Variants in STEAP1B observed in about 807,000 individuals in gnomAD.
STEAP1B encodes the protein STEAP family member 1B, also known as STEAP family protein MGC87042.
In STEAP1B, 13 loss-of-function variants were observed where a neutral mutation model predicts 27.9. That is an observed-to-expected ratio of 0.47 (90% CI 0.30 to 0.74). The LOEUF is 0.74. STEAP1B is among the 30% of genes least tolerant of loss of function. STEAP1B has a pLI of 0.06. For synonymous variants in STEAP1B, 86 were observed against 107.1 expected (o/e 0.80, Z 1.22); for missense variants, 250 against 298.7 (o/e 0.84, Z 1.20).
chr7:22,439,784 A>T (rs971347609), intron 4 of STEAP1B, among the ~76,000 whole-genome samples: 4 of 152,230 alleles, frequency 2.6e-5, no homozygotes, highest in Non-Finnish European at 1.5e-5. Context: ...ATATTTCTAC[A>T]TATAAGGTAA....
intron 4 of STEAP1B, among the ~76,000 whole-genome samples, chr7:22,470,180 A>G (rs1785856299): frequency 6.6e-6 from 1 of 152,194 alleles, no homozygotes; most frequent in African/African-American, 2.4e-5. Flanking sequence ...CAGAGAAAAT[A>G]CAAAATGAGC....
chr7:22,467,223 AT>A lies in STEAP1B; in HGVS notation c.762+25341del, dbSNP rs1785800849. On this transcript the variant is annotated intron_variant, in intron 4 of 4. Coordinates refer to ENST00000678116, the MANE Select transcript of STEAP1B (RefSeq NM_001382447.1). The stretch of plus-strand genomic sequence containing the variant: ...TTTAGTAGAAAGCCCCAAGGATGCT[AT>A]TTTGAGAGGAAACTCTCAGGAAATT... 3.3e-5 allele frequency among the ~76,000 whole-genome samples: 5 copies of A among 152,308 alleles called. No individual in the cohort carries two copies. The South Asian group carries it at 1.0e-3, about 32-fold the overall frequency.
chr7:22,489,360 G>C (rs148214273), intron 4 of STEAP1B, among the ~76,000 whole-genome samples: 1 of 152,274 alleles, frequency 6.6e-6, no homozygotes, highest in East Asian at 1.9e-4. Context: ...ATAGAAAAAG[G>C]TATAAGACCC....
intron 4 of STEAP1B, among the ~76,000 whole-genome samples, chr7:22,423,588 G>T (rs3114704): frequency 2.0e-5 from 3 of 152,032 alleles, no homozygotes; most frequent in African/African-American, 7.3e-5. Flanking sequence ...GAAAGTTGAC[G>T]TTTGCCTAGG....
chr7:22,461,251 C>A (rs770243876), intron 4 of STEAP1B, among the ~76,000 whole-genome samples: 15 of 152,144 alleles, frequency 9.9e-5, no homozygotes, highest in Admixed American at 3.9e-4. Flanking sequence ...TCCTTCCAGT[C>A]ACTGAGGGAA....
intron 4 of STEAP1B, among the ~76,000 whole-genome samples, chr7:22,464,354 C>T (rs948628677): frequency 5.9e-5 from 9 of 152,104 alleles, no homozygotes; most frequent in South Asian, 2.1e-4. Flanking sequence ...GACAGCTGTT[C>T]GGGTTTACTG....
chr7:22,477,756 TA>T (rs1179288363), intron 4 of STEAP1B, among the ~76,000 whole-genome samples: 5 of 152,180 alleles, frequency 3.3e-5, no homozygotes, highest in Non-Finnish European at 7.3e-5. Flanking sequence ...GCTTCTTGTG[TA>T]ATCCAATGTG....
In STEAP1B at chr7:22,493,600, A is replaced by G. The variant is rs756759380; in HGVS notation, c.321T>C (p.Tyr107=). Residue 107 remains tyrosine (Y), a synonymous_variant, in exon 3 of 5, where the codon TAT becomes TAC. Transcript: ENST00000678116. ...TGTTGATGACCAGGATTGGAATTTT[A>G]TAAAAATATTGTTGATGGGAAGTTG... ...PLATSHQQYF[Y]KIPILVINKV... 4 of 1,613,952 alleles carry G rather than the reference A, an allele frequency of 2.5e-6. No homozygotes were observed. The highest frequency in any genetic ancestry group is 1.7e-5 in the Admixed American group (1 of 60,016).
chr7:22,483,795 C>T (rs1786127526), intron 4 of STEAP1B, among the ~76,000 whole-genome samples: 1 of 152,140 alleles, frequency 6.6e-6, no homozygotes, highest in South Asian at 2.1e-4. Context: ...GGCAGAGAGA[C>T]ACGAAATGGC....
intron 4 of STEAP1B, among the ~76,000 whole-genome samples, chr7:22,454,727 G>A (rs989492575): frequency 3.5e-5 from 5 of 143,496 alleles, no homozygotes; most frequent in African/African-American, 1.0e-4. Flanking sequence ...GGAGCCTGGG[G>A]AGTAAGCACA....
intron 4 of STEAP1B, among the ~76,000 whole-genome samples, chr7:22,440,157 A>G (rs1383286907): frequency 2.0e-5 from 3 of 152,172 alleles, no homozygotes. Flanking sequence ...GAGCTTACTT[A>G]GGGACAATTT....
chr7:22,464,686 GA>G (rs1785740933), intron 4 of STEAP1B, among the ~76,000 whole-genome samples: 1 of 151,602 alleles, frequency 6.6e-6, no homozygotes, highest in Non-Finnish European at 1.5e-5. Flanking sequence ...CACGCACACA[GA>G]AAAAACCCAT....
intron 4 of STEAP1B, among the ~76,000 whole-genome samples, chr7:22,470,887 A>G (rs532236577): frequency 4.7e-4 from 71 of 152,190 alleles, no homozygotes; most frequent in Non-Finnish European, 9.0e-4. Context: ...ATCACCCAAA[A>G]AATATAAAAC....
intron 4 of STEAP1B, chr7:22,438,400 C>T: frequency 7.2e-7 from 1 of 1,383,284 alleles, no homozygotes; most frequent in Non-Finnish European, 9.6e-7. Context: ...GGTAGATGTC[C>T]ACTTTGTACT....
chr7:22,443,820 C>A (rs868265740), intron 4 of STEAP1B, among the ~76,000 whole-genome samples: 1 of 152,198 alleles, frequency 6.6e-6, no homozygotes, highest in Admixed American at 6.5e-5. Flanking sequence ...CACTTCCACT[C>A]GGCTGGAGCC....
chr7:22,425,430 C>T (rs1785093794), intron 4 of STEAP1B, among the ~76,000 whole-genome samples: 1 of 152,004 alleles, frequency 6.6e-6, no homozygotes, highest in Admixed American at 6.6e-5. Flanking sequence ...AAAAGCAACC[C>T]TGCAATTAAG....
intron 4 of STEAP1B, among the ~76,000 whole-genome samples, chr7:22,448,077 T>C (rs1209794298): frequency 6.6e-6 from 1 of 152,252 alleles, no homozygotes; most frequent in African/African-American, 2.4e-5. Context: ...TAGTCATTAT[T>C]CATCTATGGT....
chr7:22,456,970 A>ATTTTTTTTT (rs1457986338), intron 4 of STEAP1B, among the ~76,000 whole-genome samples: 3 of 26,174 alleles, frequency 1.1e-4, no homozygotes, highest in Non-Finnish European at 2.6e-4. Context: ...ATATATATAT[A>ATTTTTTTTT]TATTTTTTTT....
At chr7:22,431,250 T>C (rs530695322) in intron 4 of STEAP1B, among the ~76,000 whole-genome samples, 11 of 152,316 alleles carry the variant, frequency 7.2e-5, no homozygotes, top group Admixed American at 2.0e-4. Context: ...TGGTGCCTGC[T>C]TCACCCTAAG....
Sources: allele counts gnomAD v4.1 joint callset (sites outside exome capture counted in the v4.1 genomes callset), GRCh38; gene constraint gnomAD v4.1.1; transcripts MANE v1.5; gene names NCBI Gene and HGNC (gene_info 2026-07-23, HGNC 2026-07-21).